The following CLVS1 variants were observed in gnomAD, a reference collection of about 807,000 sequenced individuals.
CLVS1 encodes clavesin-1.
In CLVS1, 10 loss-of-function variants were observed where a neutral mutation model predicts 33.1. The observed-to-expected ratio is 0.30, with a 90% CI of 0.19 to 0.51. The LOEUF (loss-of-function observed/expected upper bound fraction) is 0.51. Ranked by LOEUF, CLVS1 falls within the 20% of genes least tolerant of loss-of-function variation. The pLI is 0.97. For missense variants in CLVS1, 343 were observed against 433.4 expected (o/e 0.79, Z 1.85); for synonymous variants, 163 against 166.1 (o/e 0.98, Z 0.14).
At chr8:61,275,839 A>G (rs1809552371) in intron 2 of CLVS1, among the ~76,000 whole-genome samples, 1 of 152,230 alleles carries the variant, frequency 6.6e-6, no homozygotes, top group Non-Finnish European at 1.5e-5. Flanking sequence ...ATAAGACCCT[A>G]TGACAGGTTT....
At chr8:61,013,896 G>A in the CLVS1 span, among the ~76,000 whole-genome samples, 57 of 152,178 alleles carry the variant, frequency 3.7e-4, no homozygotes, top group Admixed American at 1.5e-3. Flanking sequence ...TGAGGACCCC[G>A]AGCTGAAGCT....
chr8:61,452,576 C>T (rs1330133544), intron 3 of CLVS1, among the ~76,000 whole-genome samples: 4 of 152,096 alleles, frequency 2.6e-5, no homozygotes. Context: ...CTTTTAGATC[C>T]TAAACTATAC....
intron 2 of CLVS1, among the ~76,000 whole-genome samples, chr8:61,315,781 C>T (rs1258000530): frequency 6.6e-6 from 1 of 152,028 alleles, no homozygotes; most frequent in Non-Finnish European, 1.5e-5. Flanking sequence ...GCAGAAAGTG[C>T]AGGTTTGTTA....
chr8:61,213,692 T>G (rs1296493307), intron 2 of CLVS1, among the ~76,000 whole-genome samples: 1 of 152,112 alleles, frequency 6.6e-6, no homozygotes. Flanking sequence ...GGATGTATGT[T>G]GCCTCAGGAC....
At chr8:61,169,238 A>T (rs1461777505) in intron 2 of CLVS1, among the ~76,000 whole-genome samples, 1 of 152,224 alleles carries the variant, frequency 6.6e-6, no homozygotes, top group Non-Finnish European at 1.5e-5. Flanking sequence ...GTGCTTTGGC[A>T]TACTTTCAAT....
In CLVS1 at chr8:61,299,720, C is replaced by A; in HGVS notation, c.-108C>A. 1 of 765,704 alleles carries A rather than the reference C, an allele frequency of 1.3e-6. No homozygotes were observed. The allele number at this position is 765,704 out of a possible 1,614,324, so 47.4% of individuals were successfully genotyped here. ...TTGCTTCTGTTTTGGATGAACACCA[C>A]CACATAGGGCCTGAATGTGAAAGAA... On this transcript the variant is annotated 5_prime_UTR_variant, in exon 2 of 6. Transcript: ENST00000325897.
intron 2 of CLVS1, among the ~76,000 whole-genome samples, chr8:61,349,008 A>G (rs1251228125): frequency 1.3e-5 from 2 of 152,094 alleles, no homozygotes; most frequent in Non-Finnish European, 2.9e-5. Context: ...TCTGTCGGCC[A>G]TTTGTATGTC....
At chr8:61,161,801 C>A (rs558385121) in intron 2 of CLVS1, among the ~76,000 whole-genome samples, 4 of 151,968 alleles carry the variant, frequency 2.6e-5, no homozygotes, top group African/African-American at 9.7e-5. Flanking sequence ...ATGTTCTCAT[C>A]GCAAAAAAAT....
At chr8:60,981,749 C>T in the CLVS1 span, among the ~76,000 whole-genome samples, 4 of 152,180 alleles carry the variant, frequency 2.6e-5, no homozygotes, top group African/African-American at 7.2e-5. Context: ...GCAGCTTGAG[C>T]GGCCAGGGTG....
intron 2 of CLVS1, among the ~76,000 whole-genome samples, chr8:61,366,195 T>G (rs1813204416): frequency 6.6e-6 from 1 of 152,168 alleles, no homozygotes; most frequent in Non-Finnish European, 1.5e-5. Flanking sequence ...GCAATCTCTA[T>G]CCAGAGAGCT....
chr8:61,407,886 A>G (rs1312125605), intron 3 of CLVS1, among the ~76,000 whole-genome samples: 1 of 152,210 alleles, frequency 6.6e-6, no homozygotes, highest in Non-Finnish European at 1.5e-5. Context: ...GACAACATTC[A>G]TGTCTAATGG....
chr8:61,475,679 G>C (rs1463440173), intron 5 of CLVS1, among the ~76,000 whole-genome samples: 5 of 152,144 alleles, frequency 3.3e-5, no homozygotes, highest in Non-Finnish European at 5.9e-5. Context: ...TGAGTTCATT[G>C]TAGATTCTGG....
chr8:61,248,376 G>C (rs1338044450), intron 2 of CLVS1, among the ~76,000 whole-genome samples: 1 of 152,116 alleles, frequency 6.6e-6, no homozygotes, highest in Non-Finnish European at 1.5e-5. Flanking sequence ...ATTGCCTTTG[G>C]ACAATATAGC....
chr8:61,284,602 G>A (rs1809740171), upstream of CLVS1, among the ~76,000 whole-genome samples: 2 of 152,128 alleles, frequency 1.3e-5, no homozygotes, highest in African/African-American at 2.4e-5. Flanking sequence ...GTTATTACTT[G>A]CTGCTTTTGC....
At chr8:61,432,166 C>T (rs950233716) in intron 3 of CLVS1, among the ~76,000 whole-genome samples, 2 of 152,134 alleles carry the variant, frequency 1.3e-5, no homozygotes, top group African/African-American at 2.4e-5. Context: ...CAACCAAATT[C>T]GAATGAGGAA....
chr8:61,089,187 C>A (rs1196693510), intron 1 of CLVS1, among the ~76,000 whole-genome samples: 1 of 152,050 alleles, frequency 6.6e-6, no homozygotes, highest in Non-Finnish European at 1.5e-5. Flanking sequence ...TGGCTAATAA[C>A]CCTATTTTTC....
intron 3 of CLVS1, among the ~76,000 whole-genome samples, chr8:61,433,463 A>G (rs955100813): frequency 6.6e-6 from 1 of 152,260 alleles, no homozygotes; most frequent in Non-Finnish European, 1.5e-5. Context: ...TGCCTGACTC[A>G]GTGCCCAAGC....
the CLVS1 span, among the ~76,000 whole-genome samples, chr8:61,012,485 G>A: frequency 6.6e-6 from 1 of 152,224 alleles, no homozygotes; most frequent in African/African-American, 2.4e-5. Context: ...GATACAGCCC[G>A]AGAGTGATGG....
intron 2 of CLVS1, among the ~76,000 whole-genome samples, chr8:61,331,186 T>C (rs181167919): frequency 6.6e-6 from 1 of 152,314 alleles, no homozygotes; most frequent in African/African-American, 2.4e-5. Context: ...GCATTTCTCA[T>C]TTTTGTTAAG....
Sources: gnomAD v4.1 joint callset for allele counts (sites outside exome capture counted in the v4.1 genomes callset) on GRCh38, gnomAD v4.1.1 for gene constraint, MANE v1.5 for transcripts, NCBI Gene and HGNC (gene_info 2026-07-23, HGNC 2026-07-21) for gene names.